Variants in ADAT2 observed in about 807,000 individuals in gnomAD.
The protein encoded by ADAT2 is tRNA-specific adenosine-34 deaminase catalytic subunit ADAT2.
ADAT2 carries 26 observed loss-of-function variants against 25.9 expected under a neutral mutation model. That is an observed-to-expected ratio of 1.00 (90% CI 0.74 to 1.39). The LOEUF (loss-of-function observed/expected upper bound fraction) is 1.39. Ranked by LOEUF, ADAT2 falls within the 40% of genes most tolerant of loss-of-function variation. The probability of loss-of-function intolerance (pLI) is 0.00; values close to 1 mark genes in which losing one functional copy is unlikely to be tolerated. For missense variants in ADAT2, 220 were observed against 244.8 expected (o/e 0.90, Z 0.68); for synonymous variants, 76 against 86.8 (o/e 0.88, Z 0.69).
In ADAT2 at chr6:143,428,126, C is replaced by A; in HGVS notation, c.*337G>T. The A allele has an allele frequency of 3.9e-6, 1 of 256,530 alleles. No homozygotes were observed. Among genetic ancestry groups the A allele is most frequent in the Non-Finnish European group, 7.5e-6 (1 of 133,994 alleles). The allele number at this position is 256,530 out of a possible 1,614,324, so 15.9% of individuals were successfully genotyped here. ...CCAAACACACTCCAGGTCCCTGGGT[C>A]TGGCCACACATTCTCTAAGAAGTCA... On this transcript the variant is annotated 3_prime_UTR_variant, in exon 6 of 6. Coordinates refer to ENST00000237283, the MANE Select transcript of ADAT2 (RefSeq NM_182503.3). This position sits in a 1 kb window ranked among gnomAD's most constrained non-coding sequence, Gnocchi z 5.0.
rs910516540 is a variant in ADAT2, at chr6:143,423,035, C to G, written c.*5428G>C. 1.3e-5 allele frequency: 2 copies of G among 152,188 alleles called. No individual in the cohort carries two copies. The highest frequency in any genetic ancestry group is 4.8e-5 in the African/African-American group (2 of 41,436). The allele number at this position is 152,188 out of a possible 1,614,324, so 9.4% of individuals were successfully genotyped here. On this transcript the variant is annotated 3_prime_UTR_variant, in exon 6 of 6. Transcript: ENST00000237283. ...ACAAAACCATGGTACTGAAGCAATT[C>G]ACCATGAGCTGTACAATGAGCCACA...
chr6:143,431,281 G>A (rs1288416459), intron 4 of ADAT2, among the ~76,000 whole-genome samples: 2 of 152,224 alleles, frequency 1.3e-5, no homozygotes, highest in Non-Finnish European at 2.9e-5. Context: ...AAAGGACTGT[G>A]TTTGTGCCCT....
chr6:143,444,940 C>CAGTTTG lies in ADAT2; in HGVS notation c.96+5617_96+5622dup, dbSNP rs1221365311. ...GATGGAAACAGACCTTGTTTGCACACAGTTTGATGAGTCCTTAAAGAAATA... is the reference window on the plus strand; with the variant it reads ...GATGGAAACAGACCTTGTTTGCACACAGTTTGAGTTTGATGAGTCCTTAAAGAAATA... On this transcript the variant is annotated intron_variant, in intron 1 of 5. Coordinates refer to ENST00000237283, the MANE Select transcript of ADAT2 (RefSeq NM_182503.3). The surrounding 1 kb of genome is among the most constrained non-coding windows in gnomAD (Gnocchi z 4.3). The CAGTTTG allele has an allele frequency of 7.7e-7, 1 of 1,303,280 alleles. No individual in the cohort carries two copies. The highest frequency in any genetic ancestry group is 1.2e-5 in the South Asian group (1 of 80,792). The allele number at this position is 1,303,280 out of a possible 1,614,324, so 80.7% of individuals were successfully genotyped here.
Position 143,432,372 on chromosome 6 carries a change from G to A in ADAT2, c.459+133C>T. On this transcript the variant is annotated intron_variant, in intron 4 of 5. Coordinates refer to ENST00000237283, the MANE Select transcript of ADAT2 (RefSeq NM_182503.3). This position sits in a 1 kb window ranked among gnomAD's most constrained non-coding sequence, Gnocchi z 4.4. ...ACTGAGGCATAAATGAACTCCACCA[G>A]AGGCCCTGAGATCAAAGATGTCTGA... 1.3e-6 allele frequency: 1 copy of A among 788,918 alleles called. No homozygotes were observed. Among genetic ancestry groups the A allele is most frequent in the South Asian group, 1.7e-5 (1 of 58,150 alleles). 48.9% of individuals were successfully genotyped at this position (788,918 alleles called of 1,614,324 possible). A position where few individuals can be genotyped will look rare whatever the true frequency, so the allele number is the denominator to read the frequency against.
chr6:143,432,645 C>T lies in ADAT2; in HGVS notation c.353-34G>A. On this transcript the variant is annotated intron_variant, in intron 3 of 5. Coordinates refer to ENST00000237283, the MANE Select transcript of ADAT2 (RefSeq NM_182503.3). This position sits in a 1 kb window ranked among gnomAD's most constrained non-coding sequence, Gnocchi z 4.4. ...GAATTAAGGTCCTGCATAGAATGTA[C>T]ATTTCAAGTATGTATCGTGACAAAA... is the stretch of plus-strand genomic sequence containing the variant. 2 of 1,597,550 alleles carry T rather than the reference C, an allele frequency of 1.3e-6. No homozygotes were observed. Among genetic ancestry groups the T allele is most frequent in the Non-Finnish European group, 1.7e-6 (2 of 1,165,080 alleles).
rs749732294 is a variant in ADAT2 at position 143,438,697 on chromosome 6, GA to G, written c.97-4del. 1 of 1,611,140 alleles carries G rather than the reference GA, an allele frequency of 6.2e-7. No individual in the cohort carries two copies. The highest frequency in any genetic ancestry group is 8.5e-7 in the Non-Finnish European group (1 of 1,177,470). ...GTATTTTCGAGGGCTTCTTTGGCCT[GA>G]AACACAAAGTGGAAAATGTAAGACG... On this transcript the variant is annotated splice_region_variant and splice_polypyrimidine_tract_variant and intron_variant, in intron 1 of 5. Coordinates refer to ENST00000237283, the MANE Select transcript of ADAT2 (RefSeq NM_182503.3).
rs1779322401 is a variant in ADAT2, at chr6:143,437,452, C to A, written c.201+1138G>T. ...TTTTCACTTCCCTTGTAATATTAGTCTCTCTGTTACTGATTTCTAAGAACT... is the reference window on the plus strand; with the variant it reads ...TTTTCACTTCCCTTGTAATATTAGTATCTCTGTTACTGATTTCTAAGAACT... On this transcript the variant is annotated intron_variant, in intron 2 of 5. Transcript: ENST00000237283. The surrounding 1 kb of genome is among the most constrained non-coding windows in gnomAD (Gnocchi z 4.1). 6.6e-6 allele frequency among the ~76,000 whole-genome samples: 1 copy of A among 152,024 alleles called. No homozygotes were observed. The highest frequency in any genetic ancestry group is 6.6e-5 in the Admixed American group (1 of 15,260).
chr6:143,428,737 G>A lies in ADAT2; in HGVS notation c.460-53C>T. Reference sequence around the variant, plus strand: ...ACATAGGCCTATGAAAATGTGTGCTGTATCCCATAAAAACAACATATATAT... The same window carrying A: ...ACATAGGCCTATGAAAATGTGTGCTATATCCCATAAAAACAACATATATAT... On this transcript the variant is annotated intron_variant, in intron 4 of 5. Coordinates refer to ENST00000237283, the MANE Select transcript of ADAT2 (RefSeq NM_182503.3). The surrounding 1 kb of genome is among the most constrained non-coding windows in gnomAD (Gnocchi z 5.0). 1 of 1,534,872 alleles carries A rather than the reference G, an allele frequency of 6.5e-7. No homozygotes were observed. Among genetic ancestry groups the A allele is most frequent in the Non-Finnish European group, 9.0e-7 (1 of 1,116,590 alleles).
In ADAT2 at chr6:143,440,873, C is replaced by G. The variant is rs1237895444; in HGVS notation, c.97-2179G>C. On this transcript the variant is annotated intron_variant, in intron 1 of 5. Coordinates refer to ENST00000237283, the MANE Select transcript of ADAT2 (RefSeq NM_182503.3). The surrounding 1 kb of genome is among the most constrained non-coding windows in gnomAD (Gnocchi z 4.5). ...AGAAGAGACAAATCATTTATTCATG[C>G]AAAAAATATTTGTTGAGGATCTTGA... Among the ~76,000 whole-genome samples the G allele has an allele frequency of 1.3e-5, 2 of 152,098 alleles. No homozygotes were observed. Among genetic ancestry groups the G allele is most frequent in the Non-Finnish European group, 2.9e-5 (2 of 68,008 alleles).
Position 143,440,623 on chromosome 6 carries a change from G to C in ADAT2, c.97-1929C>G, listed in dbSNP as rs1583985324. Among the ~76,000 whole-genome samples the C allele has an allele frequency of 6.6e-6, 1 of 152,322 alleles. No homozygotes were observed. Among genetic ancestry groups the C allele is most frequent in the Non-Finnish European group, 1.5e-5 (1 of 68,026 alleles). On this transcript the variant is annotated intron_variant, in intron 1 of 5. Coordinates refer to ENST00000237283, the MANE Select transcript of ADAT2 (RefSeq NM_182503.3). This position sits in a 1 kb window ranked among gnomAD's most constrained non-coding sequence, Gnocchi z 4.5. ...CCGGTTGTGTCCCAGTTCTGTGACA[G>C]TGGTTAAAGCATGTCCAGTTTATGC...
chr6:143,428,596 A>C lies in ADAT2; in HGVS notation c.532+16T>G, dbSNP rs1779009985. 1.3e-5 allele frequency: 21 copies of C among 1,613,710 alleles called. No individual in the cohort carries two copies. The highest frequency in any genetic ancestry group is 1.8e-5 in the Non-Finnish European group (21 of 1,179,806). ...TGGATTTAAGGGAAGGACATTATCC[A>C]CAACAGAAAACTGACCATTTGGATT... On this transcript the variant is annotated intron_variant, in intron 5 of 5. Coordinates refer to ENST00000237283, the MANE Select transcript of ADAT2 (RefSeq NM_182503.3). This position sits in a 1 kb window ranked among gnomAD's most constrained non-coding sequence, Gnocchi z 5.0.
Position 143,432,443 on chromosome 6 carries a change from C to G in ADAT2, c.459+62G>C, listed in dbSNP as rs1779142633. On this transcript the variant is annotated intron_variant, in intron 4 of 5. Coordinates refer to ENST00000237283, the MANE Select transcript of ADAT2 (RefSeq NM_182503.3). The surrounding 1 kb of genome is among the most constrained non-coding windows in gnomAD (Gnocchi z 4.4). ...ATACTGGCCACACACTAGTTATTCACAAGCCCATAAAGAGATGAAAATAAT... is the reference window on the plus strand; with the variant it reads ...ATACTGGCCACACACTAGTTATTCAGAAGCCCATAAAGAGATGAAAATAAT... The G allele has an allele frequency of 6.8e-7, 1 of 1,460,350 alleles. No homozygotes were observed. Among genetic ancestry groups the G allele is most frequent in the Non-Finnish European group, 9.6e-7 (1 of 1,043,304 alleles). The allele number at this position is 1,460,350 out of a possible 1,614,324, so 90.5% of individuals were successfully genotyped here. A position where few individuals can be genotyped will look rare whatever the true frequency, so the allele number is the denominator to read the frequency against.
In ADAT2 at chr6:143,434,519, G is replaced by A. The variant is rs1181093325; in HGVS notation, c.202-538C>T. 1.3e-5 allele frequency among the ~76,000 whole-genome samples: 2 copies of A among 152,156 alleles called. No individual in the cohort carries two copies. The highest frequency in any genetic ancestry group is 1.9e-4 in the East Asian group (1 of 5,182). ...GGTATTGGTTTCAGACACTTCATGG[G>A]AAGCAGTAGAGGATAGGAGAAATCA... On this transcript the variant is annotated intron_variant, in intron 2 of 5. Coordinates refer to ENST00000237283, the MANE Select transcript of ADAT2 (RefSeq NM_182503.3). This position sits in a 1 kb window ranked among gnomAD's most constrained non-coding sequence, Gnocchi z 4.5.
chr6:143,430,833 G>A (rs1354603417), intron 4 of ADAT2, among the ~76,000 whole-genome samples: 2 of 152,136 alleles, frequency 1.3e-5, no homozygotes, highest in African/African-American at 2.4e-5. Flanking sequence ...CCAAAGTGCT[G>A]GGATTACAGG....
rs1779496842 is a variant in ADAT2, at chr6:143,442,643, ATAT to A, written c.97-3952_97-3950del. Among the ~76,000 whole-genome samples the A allele has an allele frequency of 6.6e-6, 1 of 152,228 alleles. No homozygotes were observed. The highest frequency in any genetic ancestry group is 1.5e-5 in the Non-Finnish European group (1 of 68,044). ...CACTAGACACTTGGGTCCTCCCAGT[ATAT>A]TATTATTGTAATTTCTTGTGAACTT... On this transcript the variant is annotated intron_variant, in intron 1 of 5. Coordinates refer to ENST00000237283, the MANE Select transcript of ADAT2 (RefSeq NM_182503.3). This position sits in a 1 kb window ranked among gnomAD's most constrained non-coding sequence, Gnocchi z 4.6.
rs1779211464 is a variant in ADAT2, at chr6:143,434,528, G to A, written c.202-547C>T. Among the ~76,000 whole-genome samples the A allele has an allele frequency of 6.6e-6, 1 of 152,192 alleles. No homozygotes were observed. The highest frequency in any genetic ancestry group is 2.4e-5 in the African/African-American group (1 of 41,456). On this transcript the variant is annotated intron_variant, in intron 2 of 5. Coordinates refer to ENST00000237283, the MANE Select transcript of ADAT2 (RefSeq NM_182503.3). The surrounding 1 kb of genome is among the most constrained non-coding windows in gnomAD (Gnocchi z 4.5). Reference sequence around the variant, plus strand: ...TTCAGACACTTCATGGGAAGCAGTAGAGGATAGGAGAAATCACATAGCATG... The same window carrying A: ...TTCAGACACTTCATGGGAAGCAGTAAAGGATAGGAGAAATCACATAGCATG...
In ADAT2 at chr6:143,450,565, T is replaced by G; in HGVS notation, c.94A>C (p.Met32Leu). The G allele has an allele frequency of 6.2e-7, 1 of 1,614,094 alleles. No homozygotes were observed. The highest frequency in any genetic ancestry group is 8.5e-7 in the Non-Finnish European group (1 of 1,180,006). ...TEKWMEEAMHMAKEALENTEV... is the reference protein window; with the variant it reads ...TEKWMEEAMHLAKEALENTEV... ...CATCTACCTCCCGGGCTCCTCACCA[T>G]GTGCATCGCCTCCTCCATCCACTTT... is the stretch of plus-strand genomic sequence containing the variant. The change falls in exon 1 of 6, where the codon ATG becomes CTG. Residue 32 changes from methionine (M) to leucine (L), a missense_variant and splice_region_variant. Coordinates refer to ENST00000237283, the MANE Select transcript of ADAT2 (RefSeq NM_182503.3).
At position 143,442,258 on chromosome 6, in the gene ADAT2, A is replaced by G. The variant is rs1352946183; in HGVS notation, c.97-3564T>C. ...GAATGAACTATCGATAATCTCAACAACTTGGATGGATCTCATGGGAATCAT... is the reference window on the plus strand; with the variant it reads ...GAATGAACTATCGATAATCTCAACAGCTTGGATGGATCTCATGGGAATCAT... On this transcript the variant is annotated intron_variant, in intron 1 of 5. Transcript: ENST00000237283. The surrounding 1 kb of genome is among the most constrained non-coding windows in gnomAD (Gnocchi z 4.6). 6.6e-6 allele frequency among the ~76,000 whole-genome samples: 1 copy of G among 152,170 alleles called. No homozygotes were observed. Among genetic ancestry groups the G allele is most frequent in the Non-Finnish European group, 1.5e-5 (1 of 68,020 alleles).
chr6:143,450,448 TCTGA>T (rs1169983429), intron 1 of ADAT2, 111 bp downstream of exon 1: 2 of 1,137,908 alleles, frequency 1.8e-6, no homozygotes, highest in Non-Finnish European at 2.6e-6. Flanking sequence ...ACCCAGAACA[TCTGA>T]CTGCCATAAA....
Sources: allele counts gnomAD v4.1 joint callset (sites outside exome capture counted in the v4.1 genomes callset), GRCh38; gene constraint gnomAD v4.1.1; non-coding constraint Gnocchi (gnomAD v3.1); transcripts MANE v1.5; gene names NCBI Gene and HGNC (gene_info 2026-07-23, HGNC 2026-07-21).